NKAIN3: variants seen among roughly 807,000 people sequenced by gnomAD.
NKAIN3 encodes the protein sodium/potassium-transporting ATPase subunit beta-1-interacting protein 3.
A neutral mutation model predicts 30.2 loss-of-function variants in NKAIN3; 25 were observed. The ratio of observed to expected loss-of-function variants is 0.83; its 90% CI spans 0.60 to 1.16. NKAIN3 has a LOEUF of 1.16. Ranked by LOEUF, NKAIN3 falls within the 50% of genes most tolerant of loss-of-function variation. The pLI is 0.00. For synonymous variants in NKAIN3, 91 were observed against 89.6 expected, an observed-to-expected ratio of 1.02 and a Z score of -0.09; for missense variants, 225 against 254.1, an observed-to-expected ratio of 0.89 and a Z score of 0.78.
intron 1 of NKAIN3, among the ~76,000 whole-genome samples, chr8:62,386,461 T>C (rs61448601): frequency 0.14 from 20,973 of 152,132 alleles, 1,700 homozygotes; most frequent in East Asian, 0.4. Flanking sequence ...ACATGACTCT[T>C]CCCTATAGGA....
At chr8:62,736,042 G>A (rs1165662519) in intron 3 of NKAIN3, among the ~76,000 whole-genome samples, 5 of 152,208 alleles carry the variant, frequency 3.3e-5, no homozygotes, top group South Asian at 2.1e-4. Context: ...CCTGGTGGAC[G>A]TAGCAAGGGA....
intron 1 of NKAIN3, among the ~76,000 whole-genome samples, chr8:62,348,983 G>C (rs1816098859): frequency 6.6e-6 from 1 of 152,066 alleles, no homozygotes; most frequent in African/African-American, 2.4e-5. Context: ...AGAAATGATG[G>C]TCCCTTCTGC....
In NKAIN3 at chr8:62,966,234, T is replaced by C. The variant is rs951101223; in HGVS notation, c.*827T>C. 3.7e-5 allele frequency: 36 copies of C among 985,062 alleles called. No individual in the cohort carries two copies. The highest frequency in any genetic ancestry group is 4.1e-5 in the Non-Finnish European group (34 of 829,786). 61.0% of individuals were successfully genotyped at this position (985,062 alleles called of 1,614,324 possible). On this transcript the variant is annotated 3_prime_UTR_variant, in exon 7 of 7. Transcript: ENST00000623646. ...AAACATAGACCTGCAGTCAGGAACT[T>C]TTCTCTTAGGATATTCAAAAGAAGC...
At chr8:62,642,566 A>G (rs1055302601) in intron 3 of NKAIN3, among the ~76,000 whole-genome samples, 3 of 152,110 alleles carry the variant, frequency 2.0e-5, no homozygotes, top group African/African-American at 7.2e-5. Context: ...AATATAATGC[A>G]CAAAGCAAAC....
intron 1 of NKAIN3, among the ~76,000 whole-genome samples, chr8:62,430,368 T>G (rs1406227909): frequency 1.7e-4 from 6 of 34,706 alleles, no homozygotes; most frequent in East Asian, 2.5e-3. Context: ...TATATTGTGG[T>G]GTGTGTGTGT....
chr8:62,340,896 C>T (rs889729406), intron 1 of NKAIN3, among the ~76,000 whole-genome samples: 28 of 151,924 alleles, frequency 1.8e-4, no homozygotes, highest in African/African-American at 6.8e-4. Flanking sequence ...TCAAGGAAAG[C>T]GTCTTGTCAT....
At chr8:62,360,459 G>C (rs575174067) in intron 1 of NKAIN3, among the ~76,000 whole-genome samples, 1 of 152,186 alleles carries the variant, frequency 6.6e-6, no homozygotes, top group Non-Finnish European at 1.5e-5. Context: ...TTAATGAAGT[G>C]TAATGCAAGT....
At chr8:62,297,377 G>A (rs921923073) in intron 1 of NKAIN3, among the ~76,000 whole-genome samples, 2 of 151,910 alleles carry the variant, frequency 1.3e-5, no homozygotes, top group African/African-American at 4.8e-5. Flanking sequence ...CCATCAGAGT[G>A]AACAGGCAAC....
In NKAIN3 at chr8:62,978,326, C is replaced by T. The variant is rs1391747496; in HGVS notation, c.*12919C>T. On this transcript the variant is annotated 3_prime_UTR_variant, in exon 7 of 7. Coordinates refer to ENST00000623646, the MANE Select transcript of NKAIN3 (RefSeq NM_001304533.3). Reference sequence around the variant, plus strand: ...GAAGCTGCGCTCACAGCTGCCCCTTCCCCCAGGTGCTCTGTCCCCAGGAGA... The same window carrying T: ...GAAGCTGCGCTCACAGCTGCCCCTTTCCCCAGGTGCTCTGTCCCCAGGAGA... 3.9e-5 allele frequency: 6 copies of T among 152,438 alleles called. No individual in the cohort carries two copies. The highest frequency in any genetic ancestry group is 7.3e-5 in the Non-Finnish European group (5 of 68,232). The allele number at this position is 152,438 out of a possible 1,614,324, so 9.4% of individuals were successfully genotyped here. A position where few individuals can be genotyped will look rare whatever the true frequency, so the allele number is the denominator to read the frequency against.
intron 5 of NKAIN3, among the ~76,000 whole-genome samples, chr8:62,946,930 C>T (rs545922295): frequency 1.3e-4 from 20 of 152,242 alleles, no homozygotes; most frequent in Non-Finnish European, 2.5e-4. Flanking sequence ...AAACAAAACG[C>T]CTACGTTCTG....
intron 1 of NKAIN3, among the ~76,000 whole-genome samples, chr8:62,321,937 C>T (rs751368585): frequency 1.3e-5 from 2 of 152,206 alleles, no homozygotes; most frequent in Admixed American, 6.5e-5. Flanking sequence ...GTGGAGTCTA[C>T]AGAGGCAGGC....
At chr8:62,863,248 T>C (rs1362513676) in intron 4 of NKAIN3, 8 of 1,568,682 alleles carry the variant, frequency 5.1e-6, no homozygotes, top group Non-Finnish European at 6.9e-6. Flanking sequence ...CAGTTTTTTC[T>C]TTTTGTTTTT....
At chr8:62,316,948 A>T (rs1365516072) in intron 1 of NKAIN3, among the ~76,000 whole-genome samples, 1 of 152,066 alleles carries the variant, frequency 6.6e-6, no homozygotes, top group Non-Finnish European at 1.5e-5. Flanking sequence ...TTGTTTCCTG[A>T]CTTTTTAATG....
intron 1 of NKAIN3, among the ~76,000 whole-genome samples, chr8:62,408,068 G>C (rs557329389): frequency 6.6e-6 from 1 of 152,070 alleles, no homozygotes; most frequent in African/African-American, 2.4e-5. Context: ...CCATAGGATC[G>C]CACTGTATTA....
At chr8:62,779,054 A>T (rs920414264) in intron 4 of NKAIN3, among the ~76,000 whole-genome samples, 6 of 152,008 alleles carry the variant, frequency 3.9e-5, no homozygotes, top group Admixed American at 6.5e-5. Flanking sequence ...CAGGTGCCCT[A>T]TCCTACTGTG....
In NKAIN3 at chr8:62,870,215, T is replaced by TATATAG. The variant is rs1820561449; in HGVS notation, c.472-48234_472-48233insAGATAT. On this transcript the variant is annotated intron_variant, in intron 4 of 6. Coordinates refer to ENST00000623646, the MANE Select transcript of NKAIN3 (RefSeq NM_001304533.3). ...CCTAATAAACTCTATTTTGTATATA[T>TATATAG]ATATCTATATCTATATATAGATATC... 3.3e-5 allele frequency among the ~76,000 whole-genome samples: 4 copies of TATATAG among 119,596 alleles called. No individual in the cohort carries two copies. The East Asian group carries it at 8.6e-4, about 26-fold the overall frequency. The allele number at this position is 119,596 out of a possible 152,430, so 78.5% of individuals were successfully genotyped here.
At chr8:62,855,607 T>G in intron 4 of NKAIN3, 1 of 1,601,892 alleles carries the variant, frequency 6.2e-7, no homozygotes, top group Non-Finnish European at 8.5e-7. Context: ...GGTCCACTGC[T>G]TGTTCAGTCT....
intron 1 of NKAIN3, among the ~76,000 whole-genome samples, chr8:62,572,559 G>A (rs1405734453): frequency 6.6e-6 from 1 of 152,176 alleles, no homozygotes; most frequent in African/African-American, 2.4e-5. Context: ...CCACACTGCT[G>A]ATAAAGACAT....
intron 1 of NKAIN3, among the ~76,000 whole-genome samples, chr8:62,420,337 G>A (rs1341429750): frequency 6.6e-6 from 1 of 152,132 alleles, no homozygotes; most frequent in Non-Finnish European, 1.5e-5. Context: ...CAGCAGATCT[G>A]ATTGTACTCA....
Sources: allele counts gnomAD v4.1 joint callset (sites outside exome capture counted in the v4.1 genomes callset), GRCh38; gene constraint gnomAD v4.1.1; transcripts MANE v1.5; gene names NCBI Gene and HGNC (gene_info 2026-07-23, HGNC 2026-07-21).